STPG2: variants seen among roughly 807,000 people sequenced by gnomAD.
STPG2 encodes the protein sperm tail PG-rich repeat containing 2, also known as sperm-tail PG-rich repeat-containing protein 2.
Under a neutral mutation model 54.2 loss-of-function variants are expected in STPG2, and 56 were observed. That is an observed-to-expected ratio of 1.03 (90% CI 0.83 to 1.29). The LOEUF (loss-of-function observed/expected upper bound fraction) is 1.29. Ranked by LOEUF, STPG2 falls within the 50% of genes most tolerant of loss-of-function variation. The pLI, the probability that STPG2 is intolerant of heterozygous loss-of-function variation, is 0.00. For missense variants in STPG2, 596 were observed against 544.9 expected (o/e 1.09, Z -0.93); for synonymous variants, 200 against 181.8 (o/e 1.10, Z -0.81).
In STPG2 at chr4:97,943,947, A is replaced by G. The variant is rs757544801; in HGVS notation, c.994T>C (p.Tyr332His). Reference sequence around the variant, plus strand: ...TTGGCTCTTGACAAGAAAGCAGCATATTTGTTAGTCAAGTTAGGTAATTCA... The same window carrying G: ...TTGGCTCTTGACAAGAAAGCAGCATGTTTGTTAGTCAAGTTAGGTAATTCA... ...SDELPNLTNK[Y>H]AAFLSRAKRT... Residue 332 changes from tyrosine (Y) to histidine (H), a missense_variant, in exon 8 of 11, where the codon TAT becomes CAT. Coordinates refer to ENST00000295268, the MANE Select transcript of STPG2 (RefSeq NM_174952.3). The G allele has an allele frequency of 9.4e-6, 15 of 1,600,334 alleles. No individual in the cohort carries two copies. The highest frequency in any genetic ancestry group is 1.1e-5 in the Non-Finnish European group (13 of 1,175,932).
intron 4 of STPG2, among the ~76,000 whole-genome samples, chr4:97,470,342 A>T (rs183924775): frequency 6.6e-6 from 1 of 152,038 alleles, no homozygotes; most frequent in Admixed American, 6.6e-5. Context: ...TTCACTAAAC[A>T]TTTTCTGTGT....
intron 10 of STPG2, among the ~76,000 whole-genome samples, chr4:97,561,327 A>G (rs970909435): frequency 6.6e-6 from 1 of 151,956 alleles, no homozygotes; most frequent in Non-Finnish European, 1.5e-5. Context: ...GTTTGAGTTC[A>G]TTGTAGATTC....
At chr4:98,043,372 T>C (rs1192536739) in intron 5 of STPG2, among the ~76,000 whole-genome samples, 1 of 152,124 alleles carries the variant, frequency 6.6e-6, no homozygotes, top group African/African-American at 2.4e-5. Context: ...TTTTCTTAGC[T>C]ATTTATTAAC....
At chr4:97,543,774 C>G (rs1731772977) in intron 4 of STPG2, among the ~76,000 whole-genome samples, 1 of 151,920 alleles carries the variant, frequency 6.6e-6, no homozygotes, top group South Asian at 2.1e-4. Flanking sequence ...TAATTTTGAT[C>G]CAGTCTTTTT....
intron 5 of STPG2, among the ~76,000 whole-genome samples, chr4:98,079,496 C>G (rs764914726): frequency 1.3e-5 from 2 of 152,164 alleles, no homozygotes; most frequent in African/African-American, 2.4e-5. Context: ...ATTTGAAAAG[C>G]AAAGATGAGT....
chr4:97,577,835 TA>T (rs1732761260), intron 10 of STPG2, among the ~76,000 whole-genome samples: 1 of 152,214 alleles, frequency 6.6e-6, no homozygotes, highest in African/African-American at 2.4e-5. Context: ...TAAACTATTT[TA>T]ATTGTTAATT....
intron 5 of STPG2, among the ~76,000 whole-genome samples, chr4:98,068,536 T>C (rs1261872516): frequency 6.6e-6 from 1 of 152,184 alleles, no homozygotes; most frequent in East Asian, 1.9e-4. Context: ...CTCCTGAGTT[T>C]CATGATAATA....
intron 4 of STPG2, among the ~76,000 whole-genome samples, chr4:97,450,997 C>T (rs1729351718): frequency 1.3e-5 from 2 of 151,900 alleles, no homozygotes; most frequent in East Asian, 1.9e-4. Flanking sequence ...TTAGAATTAC[C>T]TTCTGGAGGC....
intron 9 of STPG2, among the ~76,000 whole-genome samples, chr4:97,834,021 G>A (rs59997715): frequency 0.017 from 2,659 of 152,096 alleles, 75 homozygotes; most frequent in African/African-American, 0.061. Flanking sequence ...TATACCCAAA[G>A]GATTATAAAT....
At chr4:98,018,978 C>G (rs1259641583) in intron 5 of STPG2, among the ~76,000 whole-genome samples, 1 of 151,798 alleles carries the variant, frequency 6.6e-6, no homozygotes, top group Non-Finnish European at 1.5e-5. Context: ...TGCCTGTTCA[C>G]TCTGATGGTA....
chr4:97,909,318 A>C (rs1427884908), intron 8 of STPG2, among the ~76,000 whole-genome samples: 1 of 152,152 alleles, frequency 6.6e-6, no homozygotes, highest in South Asian at 2.1e-4. Flanking sequence ...TAAATCTACC[A>C]AATCTACCAA....
At chr4:97,985,946 ACAAAC>A (rs2149266073) in intron 5 of STPG2, among the ~76,000 whole-genome samples, 1 of 136,556 alleles carries the variant, frequency 7.3e-6, no homozygotes, top group East Asian at 2.2e-4. Context: ...GTGAGCGCAC[ACAAAC>A]ACACACACAC....
intron 8 of STPG2, among the ~76,000 whole-genome samples, chr4:97,892,885 C>T (rs1367551859): frequency 6.6e-6 from 1 of 152,106 alleles, no homozygotes; most frequent in Non-Finnish European, 1.5e-5. Flanking sequence ...AACTTCTTTG[C>T]CTACTTCTAC....
At chr4:97,582,903 C>T (rs1732897572) in intron 10 of STPG2, among the ~76,000 whole-genome samples, 1 of 151,952 alleles carries the variant, frequency 6.6e-6, no homozygotes, top group South Asian at 2.1e-4. Context: ...CTGCAAACTG[C>T]CAAATATTAC....
intron 5 of STPG2, among the ~76,000 whole-genome samples, chr4:98,073,124 T>C (rs565786761): frequency 1.3e-5 from 2 of 152,306 alleles, no homozygotes; most frequent in South Asian, 4.1e-4. Context: ...TTTGCAGATG[T>C]CTTGCTATGT....
At chr4:98,050,824 T>A (rs953765393) in intron 5 of STPG2, among the ~76,000 whole-genome samples, 2 of 151,794 alleles carry the variant, frequency 1.3e-5, no homozygotes, top group Non-Finnish European at 2.9e-5. Context: ...GCTAACATGG[T>A]GAAACCCCGT....
At chr4:97,636,951 C>A (rs1420841968) in intron 10 of STPG2, among the ~76,000 whole-genome samples, 5 of 144,890 alleles carry the variant, frequency 3.5e-5, no homozygotes, top group African/African-American at 1.3e-4. Context: ...GAACCTATTC[C>A]AATCAATAGA....
intron 4 of STPG2, among the ~76,000 whole-genome samples, chr4:97,497,342 A>G (rs1465260575): frequency 2.0e-5 from 3 of 151,864 alleles, no homozygotes; most frequent in Non-Finnish European, 4.4e-5. Context: ...TCAATTATTT[A>G]ACATTATTGA....
rs377308910 is a variant in STPG2, at chr4:97,726,257, A to G, written c.1205-13443T>C. Among the ~76,000 whole-genome samples, 5 of 152,082 alleles carry G rather than the reference A, an allele frequency of 3.3e-5. No individual in the cohort carries two copies. The South Asian group carries it at 1.0e-3, about 31-fold the overall frequency. The stretch of plus-strand genomic sequence containing the variant: ...AGGTGGCTAAAGTAGTCAAATTCAT[A>G]GAGACAGAAAATAGAATGGTAGTGG... On this transcript the variant is annotated intron_variant, in intron 9 of 10. Coordinates refer to ENST00000295268, the MANE Select transcript of STPG2 (RefSeq NM_174952.3).
Sources: allele counts gnomAD v4.1 joint callset (sites outside exome capture counted in the v4.1 genomes callset), GRCh38; gene constraint gnomAD v4.1.1; transcripts MANE v1.5; gene names NCBI Gene and HGNC (gene_info 2026-07-23, HGNC 2026-07-21).